Variants in KCNC2 observed in about 807,000 individuals in gnomAD.
KCNC2 encodes the protein voltage-gated potassium channel KCNC2.
In KCNC2, 21 loss-of-function variants were observed where a neutral mutation model predicts 44.5. The ratio of observed to expected loss-of-function variants is 0.47; its 90% CI spans 0.33 to 0.68. The LOEUF is 0.68. Ranked by LOEUF, KCNC2 falls within the 30% of genes least tolerant of loss-of-function variation. The pLI is 0.01. For missense variants in KCNC2, 589 were observed against 826.2 expected, an observed-to-expected ratio of 0.71 and a Z score of 3.52; for synonymous variants, 391 against 339.1, an observed-to-expected ratio of 1.15 and a Z score of -1.68.
chr12:75,139,386 A>T (rs932092651), intron 2 of KCNC2, among the ~76,000 whole-genome samples: 5 of 152,358 alleles, frequency 3.3e-5, no homozygotes, highest in Non-Finnish European at 7.3e-5. Flanking sequence ...AGATAAGCCG[A>T]TAAAACTGTG....
chr12:75,139,279 T>C (rs1889472389), intron 2 of KCNC2, among the ~76,000 whole-genome samples: 2 of 152,224 alleles, frequency 1.3e-5, no homozygotes, highest in African/African-American at 4.8e-5. Context: ...GGCCCAGATA[T>C]AATAATAAGG....
chr12:75,096,553 A>T (rs1885942484), intron 2 of KCNC2, among the ~76,000 whole-genome samples: 1 of 152,054 alleles, frequency 6.6e-6, no homozygotes, highest in Non-Finnish European at 1.5e-5. Context: ...TATTCAAAGG[A>T]CCTATATCAC....
At chr12:75,173,521 T>C (rs966155698) in intron 2 of KCNC2, among the ~76,000 whole-genome samples, 1 of 151,818 alleles carries the variant, frequency 6.6e-6, no homozygotes, top group Admixed American at 6.6e-5. Context: ...AAGAATATTA[T>C]ATTCTTCACT....
At position 75,125,934 on chromosome 12, in the gene KCNC2, T is replaced by C. The variant is rs554382781; in HGVS notation, c.688-74617A>G. Among the ~76,000 whole-genome samples the C allele has an allele frequency of 7.2e-5, 11 of 152,336 alleles. No homozygotes were observed. The South Asian group carries it at 8.3e-4, about 11-fold the overall frequency. On this transcript the variant is annotated intron_variant, in intron 2 of 4. Coordinates refer to ENST00000549446, the MANE Select transcript of KCNC2 (RefSeq NM_139137.4). ...GGTCAAATATAAAATTCTGTTTGAC[T>C]ATTATCCTTTGAATTTATAAAGCAA...
intron 2 of KCNC2, among the ~76,000 whole-genome samples, chr12:75,181,313 G>T (rs1017135695): frequency 1.3e-5 from 2 of 151,936 alleles, no homozygotes; most frequent in Non-Finnish European, 2.9e-5. Flanking sequence ...TTATCTTTTG[G>T]CTTTTTTCAA....
At chr12:75,109,706 C>T (rs1887072361) in intron 2 of KCNC2, among the ~76,000 whole-genome samples, 1 of 151,958 alleles carries the variant, frequency 6.6e-6, no homozygotes, top group Admixed American at 6.6e-5. Flanking sequence ...ATACAGGACC[C>T]TAAAACCCTG....
chr12:75,207,916 C>A lies in KCNC2; in HGVS notation c.68G>T (p.Arg23Leu), dbSNP rs774937986. The A allele has an allele frequency of 1.1e-5, 18 of 1,612,632 alleles. No homozygotes were observed. The highest frequency in any genetic ancestry group is 1.1e-4 in the South Asian group (10 of 91,050). Reference protein sequence around the residue: ...NVGGTRHETYRSTLKTLPGTR... With the variant: ...NVGGTRHETYLSTLKTLPGTR... Reference sequence around the variant, plus strand: ...TCCAGGCAGGGTCTTGAGGGTGCTGCGGTAGGTTTCGTGCCGGGTGCCCCC... The same window carrying A: ...TCCAGGCAGGGTCTTGAGGGTGCTGAGGTAGGTTTCGTGCCGGGTGCCCCC... Residue 23 changes from arginine to leucine, a missense_variant, in exon 2 of 5, where the codon CGC (arginine) becomes CTC (leucine). Around this residue, in one of 7 missense-constraint regions of KCNC2, gnomAD observed 148 missense variants for 140.1 expected, o/e 1.06. Transcript: ENST00000549446. The surrounding 1 kb of genome is among the most constrained non-coding windows in gnomAD (Gnocchi z 4.1).
intron 2 of KCNC2, among the ~76,000 whole-genome samples, chr12:75,110,169 C>G (rs780846434): frequency 7.2e-5 from 11 of 151,994 alleles, no homozygotes; most frequent in Non-Finnish European, 1.5e-4. Flanking sequence ...AACACTTGAG[C>G]TACAGATTGA....
chr12:75,167,574 A>C (rs577824625), intron 2 of KCNC2, among the ~76,000 whole-genome samples: 23 of 151,464 alleles, frequency 1.5e-4, no homozygotes, highest in African/African-American at 5.5e-4. Flanking sequence ...AATGTTTATA[A>C]AATCCAAAAA....
intron 2 of KCNC2, among the ~76,000 whole-genome samples, chr12:75,176,486 C>G (rs368526885): frequency 6.6e-6 from 1 of 151,894 alleles, no homozygotes; most frequent in African/African-American, 2.4e-5. Flanking sequence ...ACACATTTTC[C>G]GATTTAATTC....
chr12:75,191,435 T>C (rs2030201465), intron 2 of KCNC2, among the ~76,000 whole-genome samples: 1 of 147,194 alleles, frequency 6.8e-6, no homozygotes, highest in Admixed American at 6.9e-5. Context: ...GTTTTAAAAA[T>C]AAATAATTTA....
At position 75,155,112 on chromosome 12, in the gene KCNC2, C is replaced by G. The variant is rs1890668160; in HGVS notation, c.687+52185G>C. ...TATAGATTCAATCTTGTCTGTCAAC[C>G]CTCTCTCCCAAGAAAAAAAAACGCC... is the stretch of plus-strand genomic sequence containing the variant. On this transcript the variant is annotated intron_variant, in intron 2 of 4. Transcript: ENST00000549446. Among the ~76,000 whole-genome samples the G allele has an allele frequency of 3.8e-5, 5 of 130,216 alleles. No homozygotes were observed. In the South Asian group the frequency reaches 1.2e-3, roughly 31 times the overall value. The allele number at this position is 130,216 out of a possible 152,430, so 85.4% of individuals were successfully genotyped here.
chr12:75,101,296 A>T (rs897658274), intron 2 of KCNC2, among the ~76,000 whole-genome samples: 4 of 151,390 alleles, frequency 2.6e-5, no homozygotes, highest in African/African-American at 9.8e-5. Flanking sequence ...ACTGATGAGA[A>T]TGGTTAAATT....
At chr12:75,181,189 C>T (rs2137643869) in intron 2 of KCNC2, among the ~76,000 whole-genome samples, 1 of 152,090 alleles carries the variant, frequency 6.6e-6, no homozygotes, top group Non-Finnish European at 1.5e-5. Flanking sequence ...AGTTAGATTC[C>T]AGGTACAAGG....
intron 2 of KCNC2, among the ~76,000 whole-genome samples, chr12:75,056,528 C>A (rs1227552728): frequency 6.6e-6 from 1 of 151,632 alleles, no homozygotes; most frequent in Non-Finnish European, 1.5e-5. Flanking sequence ...ATACTTCATG[C>A]CTATTATGCT....
At position 75,081,848 on chromosome 12, in the gene KCNC2, T is replaced by G. The variant is rs1884541946; in HGVS notation, c.688-30531A>C. Among the ~76,000 whole-genome samples, 4 of 152,166 alleles carry G rather than the reference T, an allele frequency of 2.6e-5. No individual in the cohort carries two copies. The South Asian group carries it at 8.3e-4, about 32-fold the overall frequency. Reference sequence around the variant, plus strand: ...ACCCATATTAGTAGACATTTTGTGGTACAACTGATTGTTACCTAGACACCT... The same window carrying G: ...ACCCATATTAGTAGACATTTTGTGGGACAACTGATTGTTACCTAGACACCT... On this transcript the variant is annotated intron_variant, in intron 2 of 4. Transcript: ENST00000549446.
chr12:75,137,908 C>A (rs956056315), intron 2 of KCNC2, among the ~76,000 whole-genome samples: 1 of 152,004 alleles, frequency 6.6e-6, no homozygotes, highest in Non-Finnish European at 1.5e-5. Flanking sequence ...TAATAGCTAC[C>A]AAAATGAACA....
intron 2 of KCNC2, among the ~76,000 whole-genome samples, chr12:75,067,690 G>A (rs1055691409): frequency 6.6e-6 from 1 of 152,128 alleles, no homozygotes. Flanking sequence ...CCTGCTCTAA[G>A]TGTAGAAAAG....
rs79037030 is a variant in KCNC2 at position 75,169,242 on chromosome 12, G to C, written c.687+38055C>G. Among the ~76,000 whole-genome samples, 1,932 of 151,564 alleles carry C rather than the reference G, an allele frequency of 0.013. 166 individuals are homozygous for C. The East Asian group carries it at 0.22, about 18-fold the overall frequency. ...GGTATGATTTCTATCTTAGCACATAGAGCAGTACCTGGCACATAATGAGCA... is the reference window on the plus strand; with the variant it reads ...GGTATGATTTCTATCTTAGCACATACAGCAGTACCTGGCACATAATGAGCA... On this transcript the variant is annotated intron_variant, in intron 2 of 4. Coordinates refer to ENST00000549446, the MANE Select transcript of KCNC2 (RefSeq NM_139137.4).
Sources: gnomAD v4.1 joint callset for allele counts (sites outside exome capture counted in the v4.1 genomes callset) on GRCh38, gnomAD v4.1.1 for gene constraint, gnomAD v4.1.1 regional missense constraint, Gnocchi (gnomAD v3.1) non-coding constraint, MANE v1.5 for transcripts, NCBI Gene and HGNC (gene_info 2026-07-23, HGNC 2026-07-21) for gene names.